The following FAM210A variants were observed in gnomAD, a reference collection of about 807,000 sequenced individuals.
FAM210A encodes the protein family with sequence similarity 210 member A.
FAM210A carries 13 observed loss-of-function variants against 25.3 expected under a neutral mutation model. The ratio of observed to expected loss-of-function variants is 0.51; its 90% CI spans 0.33 to 0.82. The LOEUF (loss-of-function observed/expected upper bound fraction) is 0.82, where lower values mean the gene tolerates loss of function less well. Among genes scored for constraint, FAM210A ranks in the 40% least tolerant of loss-of-function variants. FAM210A has a pLI of 0.02. For missense variants in FAM210A, 319 were observed against 323.2 expected (o/e 0.99, Z 0.10); for synonymous variants, 125 against 118.7 (o/e 1.05, Z -0.35).
intron 1 of FAM210A, chr18:13,715,028 T>C (rs992816427): frequency 6.6e-6 from 1 of 152,102 alleles, no homozygotes; most frequent in Non-Finnish European, 1.5e-5. Flanking sequence ...TATGCACATG[T>C]CCAATAACCT....
chr18:13,668,578 T>G (rs2043419308), intron 3 of FAM210A, among the ~76,000 whole-genome samples: 1 of 147,024 alleles, frequency 6.8e-6, no homozygotes, highest in Non-Finnish European at 1.5e-5. Flanking sequence ...TGCAGGTGAG[T>G]CACTTAATGG....
At chr18:13,679,069 C>A (rs1348568778) in intron 2 of FAM210A, among the ~76,000 whole-genome samples, 1 of 152,196 alleles carries the variant, frequency 6.6e-6, no homozygotes, top group Non-Finnish European at 1.5e-5. Flanking sequence ...ATTTAGAACT[C>A]CCTGAAATAA....
At chr18:13,673,195 GC>G (rs1490015180) in intron 2 of FAM210A, among the ~76,000 whole-genome samples, 7 of 150,556 alleles carry the variant, frequency 4.6e-5, no homozygotes, top group African/African-American at 7.4e-5. Flanking sequence ...ACATTCCTGA[GC>G]CCCGACTTCT....
In FAM210A at chr18:13,671,190, GC is replaced by G. The variant is rs796269311; in HGVS notation, c.585+671del. Among the ~76,000 whole-genome samples the G allele has an allele frequency of 7.5e-4, 113 of 151,408 alleles. 1 individual carries two copies. The highest frequency in any genetic ancestry group is 2.4e-3 in the African/African-American group (98 of 41,238). ...GGGATCTCCTCTTTTGGCTTTGGAG[GC>G]CCCCCCCTTCTGTCTCTGTACAGGG... On this transcript the variant is annotated intron_variant, in intron 3 of 3. Coordinates refer to ENST00000651643, the MANE Select transcript of FAM210A (RefSeq NM_152352.4).
chr18:13,667,947 C>T (rs1170305589), intron 3 of FAM210A, among the ~76,000 whole-genome samples: 1 of 152,156 alleles, frequency 6.6e-6, no homozygotes, highest in Non-Finnish European at 1.5e-5. Flanking sequence ...CCTGTAGTCC[C>T]AGCTACTTGG....
intron 1 of FAM210A, among the ~76,000 whole-genome samples, chr18:13,686,115 G>A (rs2043594853): frequency 6.6e-6 from 1 of 152,062 alleles, no homozygotes; most frequent in African/African-American, 2.4e-5. Flanking sequence ...AGAAATAAAA[G>A]AGGAGTCATA....
chr18:13,704,762 G>T (rs1049690595), intron 1 of FAM210A, among the ~76,000 whole-genome samples: 2 of 151,924 alleles, frequency 1.3e-5, no homozygotes, highest in Non-Finnish European at 2.9e-5. Context: ...AAATTGTATT[G>T]GATTTCTAAA....
intron 2 of FAM210A, among the ~76,000 whole-genome samples, chr18:13,677,939 A>C (rs973144721): frequency 2.6e-5 from 4 of 152,218 alleles, no homozygotes; most frequent in African/African-American, 9.7e-5. Flanking sequence ...ATGGCTGATC[A>C]TCCTCAAGAA....
rs2043445831 is a variant in FAM210A, at chr18:13,671,868, C to T, written c.579G>A (p.Leu193=). Residue 193 remains leucine (L), a synonymous_variant, in exon 3 of 4, where the codon TTG becomes TTA. Transcript: ENST00000651643. The part of the protein sequence containing the change: ...QSGNALTAYA[L]FKIATPARYT... ...GGTTTGTTACAGTACCCACCTTAAA[C>T]AAGGCATATGCTGTGAGGGCATTTC... 2 of 1,610,056 alleles carry T rather than the reference C, an allele frequency of 1.2e-6. No homozygotes were observed. Among genetic ancestry groups the T allele is most frequent in the Non-Finnish European group, 1.7e-6 (2 of 1,176,632 alleles).
Position 13,726,531 on chromosome 18 carries a change from C to T in FAM210A, c.-231G>A, listed in dbSNP as rs751791868. On this transcript the variant is annotated 5_prime_UTR_variant, in exon 1 of 4. Coordinates refer to ENST00000651643, the MANE Select transcript of FAM210A (RefSeq NM_152352.4). ...GCGCCCACTAGCAACGTGCTCGCGA[C>T]CTCCAGTGCCCGCTCAGTGAAGCTT... 4 of 152,318 alleles carry T rather than the reference C, an allele frequency of 2.6e-5. No homozygotes were observed. Among genetic ancestry groups the T allele is most frequent in the African/African-American group, 4.8e-5 (2 of 41,446 alleles). 9.4% of individuals were successfully genotyped at this position (152,318 alleles called of 1,614,324 possible).
intron 2 of FAM210A, among the ~76,000 whole-genome samples, chr18:13,676,542 C>T (rs1188502089): frequency 6.6e-6 from 1 of 152,232 alleles, no homozygotes; most frequent in East Asian, 1.9e-4. Context: ...ATGGCTCTTG[C>T]TCTCTTTGGA....
At chr18:13,723,217 A>C (rs968355083) in intron 1 of FAM210A, among the ~76,000 whole-genome samples, 1 of 152,164 alleles carries the variant, frequency 6.6e-6, no homozygotes, top group Non-Finnish European at 1.5e-5. Flanking sequence ...ACTGCCTTTG[A>C]ATCTGATCAG....
At chr18:13,703,882 T>C (rs1199635780) in intron 1 of FAM210A, among the ~76,000 whole-genome samples, 1 of 152,230 alleles carries the variant, frequency 6.6e-6, no homozygotes, top group Non-Finnish European at 1.5e-5. Context: ...TTGGTCTAAA[T>C]TGTGCAGGTC....
chr18:13,700,110 A>G (rs2043727045), intron 1 of FAM210A, among the ~76,000 whole-genome samples: 1 of 152,224 alleles, frequency 6.6e-6, no homozygotes, highest in Non-Finnish European at 1.5e-5. Flanking sequence ...CAGAATCCAC[A>G]GATCAAGGGC....
intron 1 of FAM210A, among the ~76,000 whole-genome samples, chr18:13,713,650 G>A (rs1416343032): frequency 6.6e-6 from 1 of 151,374 alleles, no homozygotes; most frequent in Non-Finnish European, 1.5e-5. Context: ...CACAGTGAAA[G>A]GACAATGATT....
chr18:13,710,872 GCATGA>G (rs1457054761), intron 1 of FAM210A, among the ~76,000 whole-genome samples: 2 of 152,202 alleles, frequency 1.3e-5, no homozygotes, highest in African/African-American at 4.8e-5. Context: ...TGTATGGCCA[GCATGA>G]CATTAATAAA....
At chr18:13,688,241 G>C (rs771466970) in intron 1 of FAM210A, among the ~76,000 whole-genome samples, 1 of 152,182 alleles carries the variant, frequency 6.6e-6, no homozygotes, top group Non-Finnish European at 1.5e-5. Flanking sequence ...ACTTCCAAAC[G>C]TGTGTGCCCG....
intron 2 of FAM210A, among the ~76,000 whole-genome samples, chr18:13,673,466 CTTCT>C (rs1221552975): frequency 6.6e-6 from 1 of 151,300 alleles, no homozygotes; most frequent in Non-Finnish European, 1.5e-5. Context: ...TGAACCCCGA[CTTCT>C]TTATTTCCAA....
At chr18:13,714,595 T>C (rs1191677866) in intron 1 of FAM210A, among the ~76,000 whole-genome samples, 36 of 152,208 alleles carry the variant, frequency 2.4e-4, no homozygotes, top group Non-Finnish European at 5.9e-5. Context: ...TATTTTACTT[T>C]ATAGAGAAAT....
Sources: gnomAD v4.1 joint callset for allele counts (sites outside exome capture counted in the v4.1 genomes callset) on GRCh38, gnomAD v4.1.1 for gene constraint, MANE v1.5 for transcripts, NCBI Gene and HGNC (gene_info 2026-07-23, HGNC 2026-07-21) for gene names.